The following SPNS3 variants were observed in gnomAD, a reference collection of about 807,000 sequenced individuals.
The protein encoded by SPNS3 is protein spinster homolog 3.
Under a neutral mutation model 54.4 loss-of-function variants are expected in SPNS3, and 51 were observed. The observed-to-expected ratio is 0.94, with a 90% CI of 0.75 to 1.18. The LOEUF is 1.18. Ranked by LOEUF, SPNS3 falls within the 50% of genes most tolerant of loss-of-function variation. SPNS3 has a pLI of 0.00. For missense variants in SPNS3, 669 were observed against 677.4 expected (o/e 0.99, Z 0.14); for synonymous variants, 309 against 294.7 (o/e 1.05, Z -0.50).
chr17:4,435,156 C>T (rs1011304802), intron 1 of SPNS3, among the ~76,000 whole-genome samples: 4 of 151,140 alleles, frequency 2.6e-5, no homozygotes, highest in Non-Finnish European at 4.4e-5. Flanking sequence ...GGTGCGGTGG[C>T]TCAGGCCTGT....
At chr17:4,451,275 C>T (rs1404446316) in intron 7 of SPNS3, among the ~76,000 whole-genome samples, 1 of 147,228 alleles carries the variant, frequency 6.8e-6, no homozygotes, top group Non-Finnish European at 1.5e-5. Context: ...CCATTTGAGA[C>T]AGAGTCTTGC....
chr17:4,459,241 G>A (rs1433130751), intron 8 of SPNS3, among the ~76,000 whole-genome samples: 1 of 152,156 alleles, frequency 6.6e-6, no homozygotes, highest in Non-Finnish European at 1.5e-5. Context: ...GTCCAGGTCT[G>A]GTTCTAGTCT....
intron 8 of SPNS3, 45 bp from the exon 9 acceptor site, chr17:4,478,527 G>A: frequency 6.5e-7 from 1 of 1,542,482 alleles, no homozygotes; most frequent in Non-Finnish European, 8.8e-7. Context: ...TGGGGTTGGT[G>A]ACTGGGATCT....
chr17:4,448,900 C>T (rs1054703562), intron 6 of SPNS3, among the ~76,000 whole-genome samples: 1 of 152,090 alleles, frequency 6.6e-6, no homozygotes, highest in Non-Finnish European at 1.5e-5. Context: ...GGATGGGGGC[C>T]TCCCAGGATG....
chr17:4,451,229 C>CACT (rs1360893068), intron 7 of SPNS3, among the ~76,000 whole-genome samples: 1 of 101,538 alleles, frequency 9.8e-6, no homozygotes, highest in Non-Finnish European at 2.3e-5. Context: ...GTTTAGAAAG[C>CACT]ACTTCTTCTT....
rs1271893302 is a variant in SPNS3, at chr17:4,483,372, C to T, written c.1180-2856C>T. 1.3e-5 allele frequency: 2 copies of T among 152,292 alleles called. No homozygotes were observed. The highest frequency in any genetic ancestry group is 2.9e-5 in the Non-Finnish European group (2 of 68,096). The allele number at this position is 152,292 out of a possible 1,614,324, so 9.4% of individuals were successfully genotyped here. ...TATTTCTGAAATTACCCCCTGGGCT[C>T]TCCAGCTTCTGTGGGCCCAGCCTTG... On this transcript the variant is annotated intron_variant, in intron 9 of 11. Transcript: ENST00000355530. This position sits in a 1 kb window ranked among gnomAD's most constrained non-coding sequence, Gnocchi z 4.2.
chr17:4,488,097 T>G lies in SPNS3; in HGVS notation c.*203T>G. On this transcript the variant is annotated 3_prime_UTR_variant, in exon 12 of 12. Coordinates refer to ENST00000355530, the MANE Select transcript of SPNS3 (RefSeq NM_182538.5). ...ACTCTGCGTGGGAGGCCTGGGCCTG[T>G]GCCTGCATCCCGCTCAAGGCTGCCC... The G allele has an allele frequency of 5.1e-6, 3 of 591,490 alleles. No homozygotes were observed. The highest frequency in any genetic ancestry group is 2.0e-5 in the South Asian group (1 of 49,018). 36.6% of individuals were successfully genotyped at this position (591,490 alleles called of 1,614,324 possible).
rs1490402179 is a variant in SPNS3 at position 4,486,943 on chromosome 17, G to A, written c.1450+360G>A. ...AATCCCAGTACTTGGGGAGGCCAAG[G>A]CGGGCGGATTACAAGGTTAGGAGTT... On this transcript the variant is annotated intron_variant, in intron 11 of 11. Coordinates refer to ENST00000355530, the MANE Select transcript of SPNS3 (RefSeq NM_182538.5). The surrounding 1 kb of genome is among the most constrained non-coding windows in gnomAD (Gnocchi z 5.5). 3.3e-5 allele frequency among the ~76,000 whole-genome samples: 5 copies of A among 152,104 alleles called. No homozygotes were observed. Among genetic ancestry groups the A allele is most frequent in the Non-Finnish European group, 5.9e-5 (4 of 68,004 alleles).
At chr17:4,474,413 G>C (rs1567573039) in intron 8 of SPNS3, among the ~76,000 whole-genome samples, 1 of 152,088 alleles carries the variant, frequency 6.6e-6, no homozygotes, top group Non-Finnish European at 1.5e-5. Flanking sequence ...AGGAGGTTTG[G>C]GTCTCAGCTC....
At chr17:4,447,398 A>C (rs1411723326) in intron 5 of SPNS3, among the ~76,000 whole-genome samples, 2 of 152,238 alleles carry the variant, frequency 1.3e-5, no homozygotes, top group African/African-American at 4.8e-5. Flanking sequence ...GATGCCGGGC[A>C]GGCCCCGCTG....
At chr17:4,487,095 C>A (rs1160263400) in intron 11 of SPNS3, among the ~76,000 whole-genome samples, 1 of 150,002 alleles carries the variant, frequency 6.7e-6, no homozygotes, top group Non-Finnish European at 1.5e-5. Flanking sequence ...TCACTTGAAC[C>A]CGGGAGGCGG....
rs1972315515 is a variant in SPNS3 at position 4,486,413 on chromosome 17, T to A, written c.1280T>A (p.Ile427Asn). 6.2e-7 allele frequency: 1 copy of A among 1,605,736 alleles called. No homozygotes were observed. Among genetic ancestry groups the A allele is most frequent in the South Asian group, 1.1e-5 (1 of 90,484 alleles). Residue 427 changes from isoleucine to asparagine, a missense_variant and splice_region_variant, in exon 11 of 12, where the codon ATC becomes AAC. Ile to Asn is a moderately radical substitution (Grantham distance 149, BLOSUM62 -3). Transcript: ENST00000355530. The surrounding 1 kb of genome is among the most constrained non-coding windows in gnomAD (Gnocchi z 5.5). Reference sequence around the variant, plus strand: ...AGACTCATCCCTTCTCCTCCGCAGATCTCTAGTGTCCTGCGGGCCAGGCGC... The same window carrying A: ...AGACTCATCCCTTCTCCTCCGCAGAACTCTAGTGTCCTGCGGGCCAGGCGC... ...DAGSPYLTGLISSVLRARRPD... is the reference protein window; with the variant it reads ...DAGSPYLTGLNSSVLRARRPD...
chr17:4,449,190 G>A, intron 6 of SPNS3, 45 bp from the exon 7 acceptor site: 2 of 1,597,760 alleles, frequency 1.3e-6, no homozygotes, highest in Middle Eastern at 3.3e-4. Flanking sequence ...GGCCCCTTCA[G>A]CCCCAGCCCT....
intron 2 of SPNS3, among the ~76,000 whole-genome samples, chr17:4,441,277 C>G (rs1003691887): frequency 2.8e-4 from 43 of 152,240 alleles, no homozygotes; most frequent in African/African-American, 9.9e-4. Context: ...AATCCCAGCT[C>G]TTAGGGAGGC....
At chr17:4,461,361 CTTTTTTTTTTTTTT>C (rs55928003) in intron 8 of SPNS3, among the ~76,000 whole-genome samples, 2 of 33,394 alleles carry the variant, frequency 6.0e-5, no homozygotes, top group Non-Finnish European at 1.2e-4. Flanking sequence ...CTTTTCTTTT[CTTTTTTTTTTTTTT>C]TTTTTTTTTT....
chr17:4,454,286 C>G (rs1971245204), intron 8 of SPNS3, among the ~76,000 whole-genome samples: 1 of 152,242 alleles, frequency 6.6e-6, no homozygotes, highest in African/African-American at 2.4e-5. Flanking sequence ...TGCCTGTCCC[C>G]CAACATGGGA....
At chr17:4,436,807 G>A (rs1970728458) in intron 1 of SPNS3, among the ~76,000 whole-genome samples, 1 of 152,236 alleles carries the variant, frequency 6.6e-6, no homozygotes, top group South Asian at 2.1e-4. Context: ...AGAGGCTGCT[G>A]TAGTGGATCA....
At chr17:4,469,859 T>C (rs564253567) in intron 8 of SPNS3, among the ~76,000 whole-genome samples, 20 of 152,152 alleles carry the variant, frequency 1.3e-4, no homozygotes, top group African/African-American at 4.8e-4. Context: ...ATCAAATGAC[T>C]TTTATATTTT....
At chr17:4,439,517 AG>A in intron 1 of SPNS3, 140 bp from the exon 2 acceptor site, 3 of 653,414 alleles carry the variant, frequency 4.6e-6, no homozygotes, top group Non-Finnish European at 2.7e-6. Flanking sequence ...TATGGGAGAG[AG>A]GGGGAGAGAA....
Sources: gnomAD v4.1 joint callset for allele counts (sites outside exome capture counted in the v4.1 genomes callset) on GRCh38, gnomAD v4.1.1 for gene constraint, Gnocchi (gnomAD v3.1) non-coding constraint, MANE v1.5 for transcripts, NCBI Gene and HGNC (gene_info 2026-07-23, HGNC 2026-07-21) for gene names.